Variants in LMLN observed in about 807,000 individuals in gnomAD.
LMLN encodes leishmanolysin like peptidase, also known as leishmanolysin-like peptidase.
In LMLN, 70 loss-of-function variants were observed where a neutral mutation model predicts 92.3. The observed-to-expected ratio is 0.76, with a 90% confidence interval of 0.63 to 0.92. The LOEUF (loss-of-function observed/expected upper bound fraction) is 0.92. Ranked by LOEUF, LMLN falls within the 40% of genes least tolerant of loss-of-function variation. LMLN has a pLI of 0.00. For missense variants in LMLN, 691 were observed against 814.6 expected, an observed-to-expected ratio of 0.85 and a Z score of 1.85; for synonymous variants, 308 against 296.2, an observed-to-expected ratio of 1.04 and a Z score of -0.41.
intron 1 of LMLN, among the ~76,000 whole-genome samples, chr3:197,968,299 T>C (rs1157220997): frequency 6.6e-6 from 1 of 151,458 alleles, no homozygotes; most frequent in African/African-American, 2.4e-5. Flanking sequence ...ACCCCGTCTG[T>C]ACTAAAAATA....
chr3:197,967,966 A>C lies in LMLN; in HGVS notation c.220-6411A>C, dbSNP rs149090113. Among the ~76,000 whole-genome samples the C allele has an allele frequency of 2.0e-5, 3 of 152,180 alleles. No individual in the cohort carries two copies. The South Asian group carries it at 6.2e-4, about 31-fold the overall frequency. ...TCTGCCCAACTCCTTAGGCAGTCAC[A>C]CCTTATGGTTGTCTTCCCTTGTTCC... is the stretch of plus-strand genomic sequence containing the variant. On this transcript the variant is annotated intron_variant, in intron 1 of 15. Coordinates refer to ENST00000330198, the Ensembl canonical transcript of LMLN.
chr3:197,966,063 GAC>G (rs2109841626), intron 1 of LMLN, among the ~76,000 whole-genome samples: 2 of 152,206 alleles, frequency 1.3e-5, no homozygotes, highest in East Asian at 3.9e-4. Context: ...TTATTTTTGA[GAC>G]AGAGTCTCTC....
intron 11 of LMLN, among the ~76,000 whole-genome samples, chr3:198,014,994 C>T (rs1173151970): frequency 1.8e-4 from 24 of 136,596 alleles, no homozygotes; most frequent in Non-Finnish European, 2.4e-4. Flanking sequence ...GTTCAGAGCC[C>T]GCTAACTAGT....
chr3:198,021,862 C>T (rs147099006), intron 13 of LMLN, among the ~76,000 whole-genome samples: 16 of 152,272 alleles, frequency 1.1e-4, no homozygotes, highest in African/African-American at 3.4e-4. Context: ...CCTGACCCAT[C>T]GAAGGGATTA....
At chr3:198,022,915 C>T (rs1378572367) in intron 13 of LMLN, among the ~76,000 whole-genome samples, 2 of 152,094 alleles carry the variant, frequency 1.3e-5, no homozygotes, top group Non-Finnish European at 2.9e-5. Context: ...TCAGCAGTTC[C>T]ATATTAAAGC....
intron 12 of LMLN, among the ~76,000 whole-genome samples, chr3:198,020,068 C>G (rs1032282161): frequency 4.6e-5 from 7 of 152,076 alleles, no homozygotes; most frequent in African/African-American, 7.2e-5. Context: ...GCCATGTTGC[C>G]CAAGCTGGTC....
At chr3:198,037,853 C>CT (rs1723275295) in intron 15 of LMLN, among the ~76,000 whole-genome samples, 1 of 152,182 alleles carries the variant, frequency 6.6e-6, no homozygotes, top group Non-Finnish European at 1.5e-5. Flanking sequence ...AAAATCAAGT[C>CT]TGATTGATTG....
At chr3:198,035,857 A>C in exon 15 of LMLN, 1 of 1,613,910 alleles carries the variant, frequency 6.2e-7, no homozygotes, top group Non-Finnish European at 8.5e-7. Context: ...TCAAGGTCTG[A>C]AAGTTTGGGT....
intron 4 of LMLN, 79 bp downstream of exon 4, chr3:197,976,190 A>G (rs1581135418): frequency 1.2e-6 from 1 of 810,614 alleles, no homozygotes; most frequent in East Asian, 2.7e-5. Context: ...ATGGCAAGGT[A>G]TGAAACTTAT....
At chr3:197,999,816 A>C (rs575482613) in intron 11 of LMLN, 87 of 153,336 alleles carry the variant, frequency 5.7e-4, no homozygotes, top group Non-Finnish European at 8.9e-4. Flanking sequence ...GAGCCACCTC[A>C]CCTGGCCTCA....
intron 5 of LMLN, among the ~76,000 whole-genome samples, chr3:197,977,503 C>G (rs990497210): frequency 4.5e-4 from 69 of 151,980 alleles, no homozygotes; most frequent in Non-Finnish European, 9.9e-4. Context: ...TAAAAATGAT[C>G]AAACAATCTG....
intron 7 of LMLN, 192 bp from the exon 8 acceptor site, chr3:197,985,604 G>A: frequency 2.5e-6 from 1 of 392,432 alleles, no homozygotes; most frequent in Non-Finnish European, 4.5e-6. Context: ...TTTACCTCAA[G>A]TAATCAGAAT....
chr3:198,024,742 G>A, exon 14 of LMLN: 3 of 1,612,262 alleles, frequency 1.9e-6, no homozygotes, highest in Non-Finnish European at 2.5e-6. Flanking sequence ...ATGGAGAAGT[G>A]TGAGAGGAAG....
intron 6 of LMLN, among the ~76,000 whole-genome samples, chr3:197,981,178 C>T (rs568209791): frequency 2.6e-5 from 4 of 151,916 alleles, no homozygotes; most frequent in Non-Finnish European, 4.4e-5. Context: ...GAGGCTGAGG[C>T]GGGTGGATCA....
At chr3:198,011,094 A>G (rs1026300419) in intron 11 of LMLN, among the ~76,000 whole-genome samples, 1 of 151,920 alleles carries the variant, frequency 6.6e-6, no homozygotes, top group Admixed American at 6.6e-5. Context: ...ATGGCCCAAG[A>G]TATGGTCTTA....
At chr3:198,012,077 T>C (rs1560149331) in intron 11 of LMLN, among the ~76,000 whole-genome samples, 1 of 152,212 alleles carries the variant, frequency 6.6e-6, no homozygotes, top group Non-Finnish European at 1.5e-5. Context: ...ATTTTTTAAA[T>C]TTTTTTGAGA....
chr3:198,028,097 G>A (rs1010622286), intron 14 of LMLN, among the ~76,000 whole-genome samples: 6 of 152,064 alleles, frequency 3.9e-5, no homozygotes, highest in African/African-American at 1.2e-4. Flanking sequence ...GTGGCCTTCC[G>A]CACCGTCAGC....
At chr3:197,996,579 T>C (rs1722024002) in intron 10 of LMLN, 1 of 184,324 alleles carries the variant, frequency 5.4e-6, no homozygotes, top group Non-Finnish European at 1.1e-5. Flanking sequence ...TCTGCTATAA[T>C]GCAATGTATG....
chr3:197,976,580 T>C lies in LMLN; in HGVS notation c.432-18T>C, dbSNP rs1721388798. ...TCTCTTTTTTGTATTTAAACTTTGA[T>C]GTACAAATGGACTGAAGACAATGTG... On this transcript the variant is annotated intron_variant, in intron 4 of 15. Coordinates refer to ENST00000330198, the Ensembl canonical transcript of LMLN. The C allele has an allele frequency of 1.5e-6, 2 of 1,361,102 alleles. No individual in the cohort carries two copies. Among genetic ancestry groups the C allele is most frequent in the African/African-American group, 2.9e-5 (2 of 68,148 alleles). The allele number at this position is 1,361,102 out of a possible 1,614,324, so 84.3% of individuals were successfully genotyped here. A position where few individuals can be genotyped will look rare whatever the true frequency, so the allele number is the denominator to read the frequency against.
Sources: allele counts gnomAD v4.1 joint callset (sites outside exome capture counted in the v4.1 genomes callset), GRCh38; gene constraint gnomAD v4.1.1; transcripts MANE v1.5; gene names NCBI Gene and HGNC (gene_info 2026-07-23, HGNC 2026-07-21).